Variants in TCF25 observed in about 807,000 individuals in gnomAD.
TCF25 encodes the protein TCF25 ribosome quality control complex subunit.
A neutral mutation model predicts 83.1 loss-of-function variants in TCF25; 41 were observed. The observed-to-expected ratio is 0.49, with a 90% CI of 0.38 to 0.64. The LOEUF is 0.64. TCF25 is among the 30% of genes least tolerant of loss of function. The pLI, the probability that TCF25 is intolerant of heterozygous loss-of-function variation, is 0.00. For synonymous variants in TCF25, 458 were observed against 365.0 expected, an observed-to-expected ratio of 1.25 and a Z score of -2.90; for missense variants, 979 against 914.5, an observed-to-expected ratio of 1.07 and a Z score of -0.91.
chr16:89,910,737 G>T, intron 17 of TCF25, 74 bp downstream of exon 17: 1 of 1,494,750 alleles, frequency 6.7e-7, no homozygotes. Flanking sequence ...AATGCCTGGA[G>T]CCTCCTTGAA....
At chr16:89,888,738 G>A (rs1466603417) in intron 5 of TCF25, among the ~76,000 whole-genome samples, 2 of 147,540 alleles carry the variant, frequency 1.4e-5, no homozygotes, top group African/African-American at 5.0e-5. Flanking sequence ...ATGCAGTGGT[G>A]TGATCCTGGC....
rs1436625477 is a variant in TCF25 at position 89,910,940 on chromosome 16, C to G, written c.1873-140C>G. The G allele has an allele frequency of 4.0e-6, 5 of 1,240,270 alleles. No homozygotes were observed. In the East Asian group the frequency reaches 1.0e-4, roughly 25 times the overall value. The allele number at this position is 1,240,270 out of a possible 1,614,324, so 76.8% of individuals were successfully genotyped here. On this transcript the variant is annotated intron_variant, in intron 17 of 17. Transcript: ENST00000263346. Reference sequence around the variant, plus strand: ...GGCATTTGGTTTTGAGAGCTTCCTCCTCACAGGGACCTGGGGAGGGTTCAG... The same window carrying G: ...GGCATTTGGTTTTGAGAGCTTCCTCGTCACAGGGACCTGGGGAGGGTTCAG...
At chr16:89,889,483 A>T (rs952651045) in intron 5 of TCF25, 1 of 202,480 alleles carries the variant, frequency 4.9e-6, no homozygotes, top group African/African-American at 2.4e-5. Context: ...AGCCAGACAC[A>T]TCCTGTTTTA....
At chr16:89,880,950 A>G (rs1284511198) in intron 1 of TCF25, among the ~76,000 whole-genome samples, 1 of 152,252 alleles carries the variant, frequency 6.6e-6, no homozygotes, top group Non-Finnish European at 1.5e-5. Context: ...AGGCATCACC[A>G]TGAGAATCAC....
chr16:89,903,468 C>A (rs530289622), intron 12 of TCF25, among the ~76,000 whole-genome samples: 2 of 151,540 alleles, frequency 1.3e-5, no homozygotes, highest in African/African-American at 4.9e-5. Flanking sequence ...CATAGGAGTT[C>A]GAGACCAGCC....
intron 16 of TCF25, 23 bp from the exon 17 acceptor site, chr16:89,910,568 G>A (rs2144357985): frequency 6.2e-7 from 1 of 1,612,124 alleles, no homozygotes; most frequent in Non-Finnish European, 8.5e-7. Flanking sequence ...TGTCGTTTCT[G>A]ACTTTTCTTG....
Position 89,904,195 on chromosome 16 carries a change from G to A in TCF25, c.1459G>A (p.Ala487Thr), listed in dbSNP as rs1405734898. The change falls in exon 13 of 18, where the codon GCT (alanine) becomes ACT (threonine). Residue 487 changes from alanine (A) to threonine (T), a missense_variant. Ala to Thr is a moderately conservative substitution (Grantham distance 58). Coordinates refer to ENST00000263346, the MANE Select transcript of TCF25 (RefSeq NM_014972.3). ...CAGTCACCGCTTCTTTGGACCCAATGCTGAAATAAGGTAAAGAGTGGCTGG... is the reference window on the plus strand; with the variant it reads ...CAGTCACCGCTTCTTTGGACCCAATACTGAAATAAGGTAAAGAGTGGCTGG... Reference protein sequence around the residue: ...VSSHRFFGPNAEISQPPALSQ... With the variant: ...VSSHRFFGPNTEISQPPALSQ... 1 of 1,577,520 alleles carries A rather than the reference G, an allele frequency of 6.3e-7. No individual in the cohort carries two copies. Among genetic ancestry groups the A allele is most frequent in the Non-Finnish European group, 8.6e-7 (1 of 1,161,008 alleles).
At chr16:89,879,292 C>G (rs1409855064) in intron 1 of TCF25, among the ~76,000 whole-genome samples, 1 of 144,726 alleles carries the variant, frequency 6.9e-6, no homozygotes, top group African/African-American at 2.6e-5. Flanking sequence ...TCCGTGTACA[C>G]AGACGGGCTT....
intron 5 of TCF25, chr16:89,889,240 G>C (rs768959395): frequency 9.7e-5 from 39 of 400,732 alleles, no homozygotes; most frequent in South Asian, 7.4e-4. Context: ...ACAGGGTCTT[G>C]CTGGGTTGTC....
In TCF25 at chr16:89,874,756, G is replaced by A. The variant is rs939265598; in HGVS notation, c.192+897G>A. The A allele has an allele frequency of 1.3e-5, 2 of 151,596 alleles. 1 individual carries two copies. The highest frequency in any genetic ancestry group is 2.9e-5 in the Non-Finnish European group (2 of 68,014). 9.4% of individuals were successfully genotyped at this position (151,596 alleles called of 1,614,324 possible). A position where few individuals can be genotyped will look rare whatever the true frequency, so the allele number is the denominator to read the frequency against. The stretch of plus-strand genomic sequence containing the variant: ...TGAGTATCTAGGACTACAGGTGGAT[G>A]TCACCACGCCCGGCTAATTTTTTTT... On this transcript the variant is annotated intron_variant, in intron 1 of 17. Coordinates refer to ENST00000263346, the MANE Select transcript of TCF25 (RefSeq NM_014972.3).
intron 1 of TCF25, among the ~76,000 whole-genome samples, chr16:89,876,967 TG>T (rs2042242711): frequency 7.6e-6 from 1 of 131,216 alleles, no homozygotes; most frequent in Admixed American, 7.8e-5. Context: ...CCAGGCATGG[TG>T]GTGGGTGCCT....
At chr16:89,888,426 A>G (rs911613367) in intron 5 of TCF25, among the ~76,000 whole-genome samples, 4 of 151,736 alleles carry the variant, frequency 2.6e-5, no homozygotes, top group African/African-American at 4.8e-5. Context: ...CGTCTCTACT[A>G]AAAATACAAA....
intron 9 of TCF25, among the ~76,000 whole-genome samples, chr16:89,898,158 C>T (rs1292751141): frequency 6.6e-6 from 1 of 152,254 alleles, no homozygotes; most frequent in African/African-American, 2.4e-5. Flanking sequence ...TATGCAAATT[C>T]GTGTATAACT....
At chr16:89,900,598 C>T in intron 11 of TCF25, 37 bp from the exon 12 acceptor site, 2 of 1,545,672 alleles carry the variant, frequency 1.3e-6, no homozygotes, top group East Asian at 2.3e-5. Context: ...GTCTTTATGA[C>T]TTAAGGCTCC....
intron 5 of TCF25, 33 bp from the exon 6 acceptor site, chr16:89,892,160 A>G: frequency 3.8e-6 from 6 of 1,571,760 alleles, no homozygotes; most frequent in Non-Finnish European, 5.2e-6. Flanking sequence ...CGCCACAGGA[A>G]GTAAAGCTGT....
chr16:89,878,399 G>A (rs1031687520), intron 1 of TCF25: 46 of 1,204,058 alleles, frequency 3.8e-5, no homozygotes, highest in Admixed American at 2.9e-4. Flanking sequence ...CAGCCTGGCC[G>A]ACATGGTGAA....
At position 89,893,869 on chromosome 16, in the gene TCF25, C is replaced by T. The variant is rs1316591886; in HGVS notation, c.828+11C>T. On this transcript the variant is annotated intron_variant, in intron 7 of 17. Coordinates refer to ENST00000263346, the MANE Select transcript of TCF25 (RefSeq NM_014972.3). ...CCGAACAACATCGTGGTGCGTGGTC[C>T]CTGCAGCCCCTGACAGGAGCAGGGG... The T allele has an allele frequency of 3.8e-6, 6 of 1,593,036 alleles. No homozygotes were observed. The highest frequency in any genetic ancestry group is 5.1e-6 in the Non-Finnish European group (6 of 1,170,450).
At chr16:89,907,647 A>C (rs1403669013) in intron 16 of TCF25, among the ~76,000 whole-genome samples, 4 of 44,134 alleles carry the variant, frequency 9.1e-5, no homozygotes, top group African/African-American at 9.0e-5. Flanking sequence ...CCTAGTTCCC[A>C]CCTCCCAGCT....
intron 4 of TCF25, among the ~76,000 whole-genome samples, chr16:89,887,179 G>A (rs981097952): frequency 5.3e-5 from 8 of 151,980 alleles, no homozygotes; most frequent in Admixed American, 4.6e-4. Context: ...AATTACAGGT[G>A]TGAACCACCA....
Sources: gnomAD v4.1 joint callset for allele counts (sites outside exome capture counted in the v4.1 genomes callset) on GRCh38, gnomAD v4.1.1 for gene constraint, MANE v1.5 for transcripts, NCBI Gene and HGNC (gene_info 2026-07-23, HGNC 2026-07-21) for gene names.